Variants in NTM observed in about 807,000 individuals in gnomAD.
The protein encoded by NTM is neurotrimin.
Under a neutral mutation model 42.1 loss-of-function variants are expected in NTM, and 13 were observed. The observed-to-expected ratio is 0.31, with a 90% CI of 0.20 to 0.49. The LOEUF (loss-of-function observed/expected upper bound fraction) is 0.49, where lower values mean the gene tolerates loss of function less well. Ranked by LOEUF, NTM falls within the 20% of genes least tolerant of loss-of-function variation. The pLI, the probability that NTM is intolerant of heterozygous loss-of-function variation, is 0.99. For missense variants in NTM, 373 were observed against 452.8 expected (o/e 0.82, Z 1.60); for synonymous variants, 187 against 179.2 (o/e 1.04, Z -0.35).
chr11:132,176,145 G>A (rs1338876603), intron 3 of NTM, among the ~76,000 whole-genome samples: 1 of 152,122 alleles, frequency 6.6e-6, no homozygotes, highest in Non-Finnish European at 1.5e-5. Flanking sequence ...GTAACTGTAT[G>A]TGGAAGAGAA....
chr11:131,717,359 ATTAGT>A (rs535951864), intron 1 of NTM, among the ~76,000 whole-genome samples: 26 of 152,318 alleles, frequency 1.7e-4, no homozygotes, highest in East Asian at 9.6e-4. Flanking sequence ...CTCATGACTG[ATTAGT>A]TTAGTATATG....
At chr11:131,449,779 C>A (rs1036791529) in intron 1 of NTM, among the ~76,000 whole-genome samples, 1 of 152,192 alleles carries the variant, frequency 6.6e-6, no homozygotes, top group African/African-American at 2.4e-5. Flanking sequence ...GCCTTGGAAG[C>A]CCAGCTCATG....
chr11:131,972,556 G>T (rs1397186924), intron 2 of NTM, among the ~76,000 whole-genome samples: 6 of 152,076 alleles, frequency 3.9e-5, no homozygotes. Context: ...CTACTAAACT[G>T]TCTGTCATTC....
chr11:131,372,906 C>T (rs183713625), intron 1 of NTM, among the ~76,000 whole-genome samples: 1 of 152,198 alleles, frequency 6.6e-6, no homozygotes, highest in East Asian at 1.9e-4. Flanking sequence ...AAGGTGCCAT[C>T]TGACTTTGTG....
intron 1 of NTM, among the ~76,000 whole-genome samples, chr11:131,592,640 C>T (rs1349012024): frequency 1.6e-5 from 2 of 121,556 alleles, no homozygotes; most frequent in African/African-American, 6.7e-5. Flanking sequence ...TACACACACA[C>T]ACCCCAAACA....
At chr11:131,960,841 A>AT (rs997097956) in intron 2 of NTM, among the ~76,000 whole-genome samples, 109 of 152,062 alleles carry the variant, frequency 7.2e-4, no homozygotes, top group Non-Finnish European at 1.4e-3. Context: ...TTTTCCAATT[A>AT]TTTTCTGCTG....
chr11:131,953,901 TGA>T (rs1269984413), intron 2 of NTM, among the ~76,000 whole-genome samples: 1 of 152,192 alleles, frequency 6.6e-6, no homozygotes. Context: ...AACGTGAATC[TGA>T]TGAACCAAGC....
At chr11:131,453,131 T>A (rs1230087958) in intron 1 of NTM, among the ~76,000 whole-genome samples, 1 of 152,186 alleles carries the variant, frequency 6.6e-6, no homozygotes, top group African/African-American at 2.4e-5. Context: ...CACAATGTCA[T>A]CTCAGGACCA....
intron 2 of NTM, among the ~76,000 whole-genome samples, chr11:131,938,750 A>G (rs1311624725): frequency 6.6e-6 from 1 of 152,148 alleles, no homozygotes; most frequent in Non-Finnish European, 1.5e-5. Flanking sequence ...GTGAATAAAC[A>G]GAGATGTAGA....
intron 1 of NTM, among the ~76,000 whole-genome samples, chr11:131,431,039 C>A (rs986601704): frequency 6.6e-6 from 1 of 152,210 alleles, no homozygotes; most frequent in Admixed American, 6.5e-5. Flanking sequence ...GATTTGCAGC[C>A]GTTCCACACA....
chr11:131,724,485 T>G (rs2078727127), intron 1 of NTM, among the ~76,000 whole-genome samples: 1 of 152,168 alleles, frequency 6.6e-6, no homozygotes, highest in African/African-American at 2.4e-5. Context: ...CAATGTGGTT[T>G]TATTATACCC....
chr11:132,190,736 T>TAAA (rs35431586), intron 3 of NTM, among the ~76,000 whole-genome samples: 1,580 of 132,698 alleles, frequency 0.012, 16 homozygotes, highest in East Asian at 0.027. Flanking sequence ...GAATCCATCT[T>TAAA]AAAAAAAAAA....
chr11:131,760,635 G>C (rs1358652088), intron 1 of NTM, among the ~76,000 whole-genome samples: 3 of 152,154 alleles, frequency 2.0e-5, no homozygotes, highest in Non-Finnish European at 2.9e-5. Context: ...GCGGCTAATA[G>C]AGATAACCCT....
At chr11:131,651,414 T>C (rs2066458995) in intron 1 of NTM, among the ~76,000 whole-genome samples, 1 of 152,230 alleles carries the variant, frequency 6.6e-6, no homozygotes, top group African/African-American at 2.4e-5. Context: ...ACATCTTCCA[T>C]AGTAAACTTT....
intron 1 of NTM, among the ~76,000 whole-genome samples, chr11:131,849,927 A>T (rs1028303276): frequency 5.9e-5 from 9 of 151,340 alleles, no homozygotes; most frequent in Admixed American, 4.6e-4. Context: ...CATATGTAAC[A>T]AACCTGCACT....
chr11:132,293,815 C>T (rs1313808010), intron 4 of NTM, among the ~76,000 whole-genome samples: 1 of 152,118 alleles, frequency 6.6e-6, no homozygotes, highest in East Asian at 1.9e-4. Context: ...AAGCCACACT[C>T]ACTGATTTAT....
At chr11:131,979,574 AGATAT>A (rs1278553552) in intron 2 of NTM, among the ~76,000 whole-genome samples, 1 of 152,222 alleles carries the variant, frequency 6.6e-6, no homozygotes, top group East Asian at 1.9e-4. Flanking sequence ...GGCTTAATTA[AGATAT>A]GATCTGCCAG....
chr11:131,392,931 TTTAATGTAGAGGTAAGTGAAGGG>T (rs1944188859), intron 1 of NTM, among the ~76,000 whole-genome samples: 2 of 152,186 alleles, frequency 1.3e-5, no homozygotes, highest in Admixed American at 1.3e-4. Context: ...CTTCACCTGC[TTTAATGTAGAGGTAAGTGAAGGG>T]TTAAGTGTAT....
chr11:131,823,743 A>G lies in NTM; in HGVS notation c.83-87821A>G, dbSNP rs150335850. On this transcript the variant is annotated intron_variant, in intron 1 of 8. Transcript: ENST00000683400. ...GCATTGCTTAAAATTTAAACAAAAC[A>G]AAACAAAACACCTTTGGGTTAGAGC... 1.8e-3 allele frequency among the ~76,000 whole-genome samples: 277 copies of G among 152,342 alleles called. 1 individual carries two copies. The highest frequency in any genetic ancestry group is 6.4e-3 in the African/African-American group (268 of 41,586).
Sources: gnomAD v4.1 joint callset for allele counts (sites outside exome capture counted in the v4.1 genomes callset) on GRCh38, gnomAD v4.1.1 for gene constraint, MANE v1.5 for transcripts, NCBI Gene and HGNC (gene_info 2026-07-23, HGNC 2026-07-21) for gene names.